The following KIAA1217 variants were observed in gnomAD, a reference collection of about 807,000 sequenced individuals.
The protein encoded by KIAA1217 is sickle tail protein homolog.
A neutral mutation model predicts 163.9 loss-of-function variants in KIAA1217; 88 were observed. That is an observed-to-expected ratio of 0.54 (90% CI 0.45 to 0.64). The LOEUF is 0.64. KIAA1217 is among the 30% of genes least tolerant of loss of function. KIAA1217 has a pLI of 0.00. For synonymous variants in KIAA1217, 903 were observed against 923.1 expected (o/e 0.98, Z 0.39); for missense variants, 2,372 against 2,475.0 (o/e 0.96, Z 0.88).
chr10:23,737,209 AT>A (rs200562540), intron 1 of KIAA1217, among the ~76,000 whole-genome samples: 17 of 151,382 alleles, frequency 1.1e-4, no homozygotes, highest in Admixed American at 4.0e-4. Context: ...ACATTAACAT[AT>A]TTTTTTTTGA....
At chr10:24,088,368 C>T (rs1475922285) in intron 2 of KIAA1217, among the ~76,000 whole-genome samples, 1 of 117,278 alleles carries the variant, frequency 8.5e-6, no homozygotes, top group African/African-American at 2.6e-5. Context: ...CATATGTATA[C>T]ATGTGCCATG....
intron 2 of KIAA1217, among the ~76,000 whole-genome samples, chr10:24,254,150 C>G (rs2074874076): frequency 6.6e-6 from 1 of 152,164 alleles, no homozygotes; most frequent in Non-Finnish European, 1.5e-5. Context: ...AGCTTCTCCC[C>G]TCTCCTGGCT....
intron 2 of KIAA1217, among the ~76,000 whole-genome samples, chr10:24,191,716 T>C (rs929263247): frequency 6.6e-6 from 1 of 152,206 alleles, no homozygotes; most frequent in African/African-American, 2.4e-5. Flanking sequence ...TTGAGGCATG[T>C]GTAACAAAGG....
intron 1 of KIAA1217, among the ~76,000 whole-genome samples, chr10:23,721,488 A>T (rs1028351411): frequency 6.6e-6 from 1 of 152,120 alleles, no homozygotes; most frequent in Admixed American, 6.6e-5. Flanking sequence ...TCCTTTTTTT[A>T]AAAAATCATA....
At chr10:23,881,273 T>C (rs1306670538) in intron 1 of KIAA1217, among the ~76,000 whole-genome samples, 1 of 152,012 alleles carries the variant, frequency 6.6e-6, no homozygotes, top group Middle Eastern at 3.2e-3. Flanking sequence ...GCTTTGAACA[T>C]TAATATGCAT....
chr10:24,031,397 C>T (rs1379309944), intron 2 of KIAA1217, among the ~76,000 whole-genome samples: 2 of 152,100 alleles, frequency 1.3e-5, no homozygotes, highest in African/African-American at 4.8e-5. Context: ...ACCTCCCAGG[C>T]TAAAGTGATC....
intron 1 of KIAA1217, among the ~76,000 whole-genome samples, chr10:23,918,906 C>T (rs748296156): frequency 2.0e-5 from 3 of 152,068 alleles, no homozygotes; most frequent in Non-Finnish European, 4.4e-5. Flanking sequence ...AGTCCCTAAG[C>T]CTAATTAGAT....
At chr10:23,964,712 C>A (rs11013817) in intron 1 of KIAA1217, among the ~76,000 whole-genome samples, 28,911 of 151,892 alleles carry the variant, frequency 0.19, 3,066 homozygotes, top group Middle Eastern at 0.27. Flanking sequence ...CATGCCACCA[C>A]GCCCAGCTAA....
intron 1 of KIAA1217, among the ~76,000 whole-genome samples, chr10:23,934,756 T>C (rs1444752126): frequency 3.3e-5 from 5 of 150,076 alleles, no homozygotes; most frequent in Non-Finnish European, 7.4e-5. Flanking sequence ...TAGCTGGGAC[T>C]ACAGGCACCC....
At chr10:23,844,403 C>T (rs1371522569) in intron 1 of KIAA1217, among the ~76,000 whole-genome samples, 1 of 152,164 alleles carries the variant, frequency 6.6e-6, no homozygotes, top group African/African-American at 2.4e-5. Context: ...TCTTACTCTC[C>T]TTCAGCCTAC....
intron 3 of KIAA1217, among the ~76,000 whole-genome samples, chr10:24,406,597 T>C (rs1178394335): frequency 6.6e-6 from 1 of 152,110 alleles, no homozygotes; most frequent in East Asian, 1.9e-4. Flanking sequence ...AAAGAGGGAG[T>C]ACTTTTATCT....
At chr10:24,019,657 T>C (rs1027729057) in intron 2 of KIAA1217, among the ~76,000 whole-genome samples, 1 of 151,902 alleles carries the variant, frequency 6.6e-6, no homozygotes, top group African/African-American at 2.4e-5. Flanking sequence ...TAAGTAGTAA[T>C]GTAAATAAAT....
At chr10:24,421,929 C>G (rs2058761962) in intron 3 of KIAA1217, among the ~76,000 whole-genome samples, 1 of 152,196 alleles carries the variant, frequency 6.6e-6, no homozygotes, top group African/African-American at 2.4e-5. Context: ...ATGTCTTCGT[C>G]TGTTCTCATG....
chr10:23,882,271 C>T (rs934598909), intron 1 of KIAA1217, among the ~76,000 whole-genome samples: 1 of 151,868 alleles, frequency 6.6e-6, no homozygotes, highest in East Asian at 2.0e-4. Flanking sequence ...CAGACATTGC[C>T]ATTGTGTGAA....
chr10:23,721,276 A>T (rs1479580893), intron 1 of KIAA1217, among the ~76,000 whole-genome samples: 1 of 152,182 alleles, frequency 6.6e-6, no homozygotes, highest in Non-Finnish European at 1.5e-5. Flanking sequence ...CAAGAAGAGC[A>T]ACTGCTGGGC....
intron 1 of KIAA1217, among the ~76,000 whole-genome samples, chr10:24,211,511 TG>T (rs2068084864): frequency 6.6e-6 from 1 of 151,442 alleles, no homozygotes; most frequent in African/African-American, 2.4e-5. Flanking sequence ...CTGGGACTAC[TG>T]GGACATGCCA....
chr10:24,340,188 C>T (rs1671472707), intron 2 of KIAA1217, among the ~76,000 whole-genome samples: 1 of 152,154 alleles, frequency 6.6e-6, no homozygotes, highest in East Asian at 1.9e-4. Flanking sequence ...CAATTTCTGC[C>T]TTCTGTTGGT....
At chr10:23,983,615 C>A (rs1311332384) in intron 1 of KIAA1217, among the ~76,000 whole-genome samples, 1 of 152,182 alleles carries the variant, frequency 6.6e-6, no homozygotes. Context: ...GCCCCCACAA[C>A]CCAGTCATCT....
chr10:24,090,756 C>T (rs975981094), intron 2 of KIAA1217, among the ~76,000 whole-genome samples: 3 of 151,854 alleles, frequency 2.0e-5, no homozygotes, highest in South Asian at 4.1e-4. Context: ...GCATTCTTAA[C>T]TCTGGTATCA....
Sources: allele counts gnomAD v4.1 joint callset (sites outside exome capture counted in the v4.1 genomes callset), GRCh38; gene constraint gnomAD v4.1.1; transcripts MANE v1.5; gene names NCBI Gene and HGNC (gene_info 2026-07-23, HGNC 2026-07-21).